Variants in AP1M1 observed in about 807,000 individuals in gnomAD.
The protein encoded by AP1M1 is adaptor related protein complex 1 subunit mu 1.
A neutral mutation model predicts 57.1 loss-of-function variants in AP1M1; 18 were observed. The ratio of observed to expected loss-of-function variants is 0.32; its 90% CI spans 0.22 to 0.47. The LOEUF is 0.47. Among genes scored for constraint, AP1M1 ranks in the 20% least tolerant of loss-of-function variants. The pLI is 1.00. For missense variants in AP1M1, 362 were observed against 593.5 expected, an observed-to-expected ratio of 0.61 and a Z score of 4.05; for synonymous variants, 241 against 237.9, an observed-to-expected ratio of 1.01 and a Z score of -0.12.
At chr19:16,222,346 T>C (rs1303366045) in intron 5 of AP1M1, among the ~76,000 whole-genome samples, 1 of 151,680 alleles carries the variant, frequency 6.6e-6, no homozygotes, top group African/African-American at 2.4e-5. Flanking sequence ...TAGCTGGGAC[T>C]ACAGGTGTGC....
rs929166411 is a variant in AP1M1 at position 16,228,709 on chromosome 19, G to A, written c.889-61G>A. The A allele has an allele frequency of 6.9e-6, 11 of 1,598,062 alleles. No homozygotes were observed. Among genetic ancestry groups the A allele is most frequent in the African/African-American group, 1.3e-5 (1 of 74,640 alleles). On this transcript the variant is annotated intron_variant, in intron 8 of 11. Transcript: ENST00000291439. This position sits in a 1 kb window ranked among gnomAD's most constrained non-coding sequence, Gnocchi z 5.0. ...GCCAGGCTGAGGGGCATGTGTCCTG[G>A]AGAGGCTGGCCAGCTCACCTTGGCC... is the stretch of plus-strand genomic sequence containing the variant.
rs986090877 is a variant in AP1M1 at position 16,240,989 on chromosome 19, G to T, written c.*6554G>T. ...AGAGCATGGCTTCAAATTACTGAGA[G>T]AAGTGCAGTCTAGAATTCTGAGCCC... On this transcript the variant is annotated 3_prime_UTR_variant, in exon 12 of 12. Transcript: ENST00000291439. 3 of 152,174 alleles carry T rather than the reference G, an allele frequency of 2.0e-5. No individual in the cohort carries two copies. The highest frequency in any genetic ancestry group is 4.4e-5 in the Non-Finnish European group (3 of 68,058). 9.4% of individuals were successfully genotyped at this position (152,174 alleles called of 1,614,324 possible).
In AP1M1 at chr19:16,235,731, T is replaced by A. The variant is rs1000906781; in HGVS notation, c.*1296T>A. On this transcript the variant is annotated 3_prime_UTR_variant, in exon 12 of 12. Coordinates refer to ENST00000291439, the MANE Select transcript of AP1M1 (RefSeq NM_032493.4). The stretch of plus-strand genomic sequence containing the variant: ...GTGGGCCAGCCCTGACCTGCCAAAG[T>A]GGAGGCTCTGGGGCCAGGGTCCCGG... 3.3e-5 allele frequency: 5 copies of A among 152,334 alleles called. No homozygotes were observed. Among genetic ancestry groups the A allele is most frequent in the African/African-American group, 1.2e-4 (5 of 41,458 alleles). 9.4% of individuals were successfully genotyped at this position (152,334 alleles called of 1,614,324 possible).
chr19:16,218,877 T>C (rs1428006148), intron 5 of AP1M1, among the ~76,000 whole-genome samples: 1 of 152,196 alleles, frequency 6.6e-6, no homozygotes, highest in Admixed American at 6.5e-5. Flanking sequence ...GCTTTACGTC[T>C]TCCCTCACTG....
rs752323777 is a variant in AP1M1, at chr19:16,233,552, CAAG to C, written c.1108_1110del (p.Lys370del). ...GCCTGCCTAGTGTGGAGGCCGAAGA[CAAG>C]GAGGGCAAGCCCCCGATCAGTGTCA... is the stretch of plus-strand genomic sequence containing the variant. On this transcript the variant is annotated inframe_deletion, in exon 10 of 12. Coordinates refer to ENST00000291439, the MANE Select transcript of AP1M1 (RefSeq NM_032493.4). 1 of 1,608,474 alleles carries C rather than the reference CAAG, an allele frequency of 6.2e-7. No individual in the cohort carries two copies. The highest frequency in any genetic ancestry group is 1.1e-5 in the South Asian group (1 of 89,860).
chr19:16,240,898 T>C lies in AP1M1; in HGVS notation c.*6463T>C, dbSNP rs962261418. The C allele has an allele frequency of 1.3e-5, 2 of 152,214 alleles. No homozygotes were observed. Among genetic ancestry groups the C allele is most frequent in the African/African-American group, 4.8e-5 (2 of 41,446 alleles). 9.4% of individuals were successfully genotyped at this position (152,214 alleles called of 1,614,324 possible). On this transcript the variant is annotated 3_prime_UTR_variant, in exon 12 of 12. Transcript: ENST00000291439. The stretch of plus-strand genomic sequence containing the variant: ...TAACAGCAACACTAAGAGATTAAAA[T>C]GTCTCTCCAAAGAGCAATTGGACAG...
intron 5 of AP1M1, among the ~76,000 whole-genome samples, chr19:16,220,258 G>A (rs2091538253): frequency 6.6e-6 from 1 of 152,182 alleles, no homozygotes; most frequent in South Asian, 2.1e-4. Flanking sequence ...AGGCTGGAGG[G>A]CAGTAGCGTG....
chr19:16,222,332 T>G (rs570143385), intron 5 of AP1M1, among the ~76,000 whole-genome samples: 33 of 151,760 alleles, frequency 2.2e-4, no homozygotes, highest in African/African-American at 8.0e-4. Context: ...TTCAGCCTCC[T>G]GAGTAGCTGG....
chr19:16,201,774 G>A (rs967183952), intron 1 of AP1M1, among the ~76,000 whole-genome samples: 2 of 152,148 alleles, frequency 1.3e-5, no homozygotes, highest in Non-Finnish European at 2.9e-5. Flanking sequence ...GCAAAGGCCC[G>A]AGGTGGGAAC....
In AP1M1 at chr19:16,241,195, C is replaced by G. The variant is rs1030507745; in HGVS notation, c.*6760C>G. The stretch of plus-strand genomic sequence containing the variant: ...GGTGTGGTGGCGGGCACCTGTGTTC[C>G]CAGCTACTTGGGAGACTGAGGCAGA... On this transcript the variant is annotated 3_prime_UTR_variant, in exon 12 of 12. Transcript: ENST00000291439. 2.0e-5 allele frequency: 3 copies of G among 151,834 alleles called. No homozygotes were observed. The highest frequency in any genetic ancestry group is 7.3e-5 in the African/African-American group (3 of 41,302). The allele number at this position is 151,834 out of a possible 1,614,324, so 9.4% of individuals were successfully genotyped here.
intron 5 of AP1M1, among the ~76,000 whole-genome samples, chr19:16,220,323 C>G (rs374205873): frequency 6.6e-6 from 1 of 152,050 alleles, no homozygotes; most frequent in Admixed American, 6.6e-5. Context: ...GTGATCATCC[C>G]GCCTCAGCCT....
At chr19:16,233,931 CA>C (rs2091610771) in intron 10 of AP1M1, 1 of 554,232 alleles carries the variant, frequency 1.8e-6, no homozygotes, top group African/African-American at 1.9e-5. Flanking sequence ...CCCAGAGAGC[CA>C]GGGGCCTTCT....
Position 16,234,351 on chromosome 19 carries a change from G to A in AP1M1, c.1250-62G>A, listed in dbSNP as rs1260161844. On this transcript the variant is annotated intron_variant, in intron 11 of 11. Coordinates refer to ENST00000291439, the MANE Select transcript of AP1M1 (RefSeq NM_032493.4). The stretch of plus-strand genomic sequence containing the variant: ...GCTGCCCCCAGGGTGGAGCCATCGG[G>A]TCGGGTCCCGAAAGCAGGGAGGGTG... The A allele has an allele frequency of 1.9e-6, 3 of 1,613,716 alleles. No individual in the cohort carries two copies. The African/African-American group carries it at 4.0e-5, about 22-fold the overall frequency.
rs1207166523 is a variant in AP1M1 at position 16,242,810 on chromosome 19, G to C, written c.*8375G>C. ...GCTCTGTCGCCCAGGCTGGAGTGCA[G>C]TGGCGCGATCTTTGCTTACTGCAAC... On this transcript the variant is annotated 3_prime_UTR_variant, in exon 12 of 12. Transcript: ENST00000291439. 6.6e-6 allele frequency: 1 copy of C among 152,228 alleles called. No individual in the cohort carries two copies. The highest frequency in any genetic ancestry group is 2.4e-5 in the African/African-American group (1 of 41,458). The allele number at this position is 152,228 out of a possible 1,614,324, so 9.4% of individuals were successfully genotyped here.
At chr19:16,232,276 G>A (rs996846149) in intron 9 of AP1M1, among the ~76,000 whole-genome samples, 27 of 152,184 alleles carry the variant, frequency 1.8e-4, no homozygotes, top group African/African-American at 6.3e-4. Context: ...GTGCCTTTGT[G>A]GCGTCGAGTG....
At chr19:16,221,915 A>G (rs1194120617) in intron 5 of AP1M1, among the ~76,000 whole-genome samples, 1 of 151,914 alleles carries the variant, frequency 6.6e-6, no homozygotes, top group Non-Finnish European at 1.5e-5. Context: ...CAAGCTCCCA[A>G]CCTCAGGTGA....
intron 5 of AP1M1, among the ~76,000 whole-genome samples, chr19:16,218,402 C>T (rs1016442664): frequency 1.3e-5 from 2 of 152,216 alleles, no homozygotes; most frequent in Non-Finnish European, 2.9e-5. Context: ...TCCTTCCTGC[C>T]GGGATTCCAG....
rs970914287 is a variant in AP1M1 at position 16,234,719 on chromosome 19, C to A, written c.*284C>A. 2.6e-5 allele frequency: 14 copies of A among 534,462 alleles called. No individual in the cohort carries two copies. In the African/African-American group the frequency reaches 2.7e-4, roughly 10 times the overall value. The allele number at this position is 534,462 out of a possible 1,614,324, so 33.1% of individuals were successfully genotyped here. ...AATTTTTCCGTGTAGAGGTTACAGC[C>A]TTTTATGCTGTTGAGCTCCCAGGTA... On this transcript the variant is annotated 3_prime_UTR_variant, in exon 12 of 12. Transcript: ENST00000291439.
At chr19:16,213,644 G>T (rs569327699) in intron 5 of AP1M1, among the ~76,000 whole-genome samples, 1 of 152,032 alleles carries the variant, frequency 6.6e-6, no homozygotes, top group Admixed American at 6.6e-5. Flanking sequence ...ACAGGCACGC[G>T]CCACCACGCC....
Sources: gnomAD v4.1 joint callset for allele counts (sites outside exome capture counted in the v4.1 genomes callset) on GRCh38, gnomAD v4.1.1 for gene constraint, Gnocchi (gnomAD v3.1) non-coding constraint, MANE v1.5 for transcripts, NCBI Gene and HGNC (gene_info 2026-07-23, HGNC 2026-07-21) for gene names.